FRA10AC1: variants seen among roughly 807,000 people sequenced by gnomAD.
FRA10AC1 encodes FRA10A associated CGG repeat 1, also known as protein FRA10AC1.
FRA10AC1 carries 43 observed loss-of-function variants against 56.5 expected under a neutral mutation model. The ratio of observed to expected loss-of-function variants is 0.76; its 90% confidence interval spans 0.60 to 0.98. The LOEUF is 0.98. Ranked by LOEUF, FRA10AC1 falls within the 50% of genes least tolerant of loss-of-function variation. FRA10AC1 has a pLI of 0.00. For synonymous variants in FRA10AC1, 112 were observed against 110.5 expected, an observed-to-expected ratio of 1.01 and a Z score of -0.09; for missense variants, 346 against 351.8, an observed-to-expected ratio of 0.98 and a Z score of 0.13.
intron 7 of FRA10AC1, among the ~76,000 whole-genome samples, chr10:93,688,517 T>C (rs1192650002): frequency 6.6e-6 from 1 of 152,186 alleles, no homozygotes; most frequent in Non-Finnish European, 1.5e-5. Flanking sequence ...CAAATAATGA[T>C]GTATCAACGT....
intron 10 of FRA10AC1, 45 bp downstream of exon 10, chr10:93,684,011 T>C (rs995467729): frequency 7.8e-7 from 1 of 1,283,256 alleles, no homozygotes. Flanking sequence ...AATGACTATA[T>C]CCTGGATTAC....
intron 7 of FRA10AC1, among the ~76,000 whole-genome samples, chr10:93,690,711 T>G (rs1036807070): frequency 6.6e-6 from 1 of 152,186 alleles, no homozygotes; most frequent in African/African-American, 2.4e-5. Flanking sequence ...AGACATAATT[T>G]TCACACTTGA....
In FRA10AC1 at chr10:93,670,839, T is replaced by G. The variant is rs1471009276; in HGVS notation, c.836A>C (p.Asp279Ala). The G allele has an allele frequency of 6.2e-7, 1 of 1,609,164 alleles. No homozygotes were observed. Among genetic ancestry groups the G allele is most frequent in the Non-Finnish European group, 8.5e-7 (1 of 1,176,064 alleles). ...KSEDSLLRNSDEEESASESEL... is the reference protein window; with the variant it reads ...KSEDSLLRNSAEEESASESEL... ...AGATTCTGAAGCACTTTCTTCCTCA[T>G]CAGAGTTTCCTGTTCATTTAAAAAA... is the stretch of plus-strand genomic sequence containing the variant. Residue 279 changes from aspartate to alanine, a missense_variant, in exon 13 of 14, where the codon GAT (aspartate) becomes GCT (alanine). Coordinates refer to ENST00000359204, the MANE Select transcript of FRA10AC1 (RefSeq NM_145246.5).
intron 12 of FRA10AC1, chr10:93,672,930 A>C (rs1288018886): frequency 6.1e-6 from 1 of 163,594 alleles, no homozygotes; most frequent in Non-Finnish European, 1.3e-5. Flanking sequence ...TTGGAAGAAC[A>C]GGCAACACAA....
At chr10:93,681,867 T>C (rs2058941377) in intron 10 of FRA10AC1, among the ~76,000 whole-genome samples, 1 of 152,112 alleles carries the variant, frequency 6.6e-6, no homozygotes, top group Non-Finnish European at 1.5e-5. Context: ...AAATTATAAT[T>C]GTATTTGTTT....
intron 12 of FRA10AC1, 93 bp from the exon 13 acceptor site, chr10:93,670,941 C>T: frequency 1.3e-6 from 1 of 753,158 alleles, no homozygotes; most frequent in East Asian, 2.7e-5. Context: ...TTATTTAACT[C>T]AGCTTCAACT....
At chr10:93,680,542 CAAG>C (rs1320175791) in intron 11 of FRA10AC1, among the ~76,000 whole-genome samples, 4 of 152,118 alleles carry the variant, frequency 2.6e-5, no homozygotes, top group African/African-American at 9.7e-5. Context: ...TTACCATGTG[CAAG>C]AAGAAGTAAA....
At position 93,669,557 on chromosome 10, in the gene FRA10AC1, T is replaced by A. The variant is rs1249988048; in HGVS notation, c.*269A>T. On this transcript the variant is annotated 3_prime_UTR_variant, in exon 14 of 14. Coordinates refer to ENST00000359204, the MANE Select transcript of FRA10AC1 (RefSeq NM_145246.5). Reference sequence around the variant, plus strand: ...CCTACAAAATGTAGGAACAATGGAATCTGTCCAGCTCTATCCTCTAGGAGC... The same window carrying A: ...CCTACAAAATGTAGGAACAATGGAAACTGTCCAGCTCTATCCTCTAGGAGC... 1 of 331,868 alleles carries A rather than the reference T, an allele frequency of 3.0e-6. No homozygotes were observed. The highest frequency in any genetic ancestry group is 2.1e-5 in the African/African-American group (1 of 46,760). The allele number at this position is 331,868 out of a possible 1,614,324, so 20.6% of individuals were successfully genotyped here.
At chr10:93,681,860 T>C (rs1342894917) in intron 10 of FRA10AC1, among the ~76,000 whole-genome samples, 1 of 152,080 alleles carries the variant, frequency 6.6e-6, no homozygotes, top group Admixed American at 6.6e-5. Context: ...TAAATACAAA[T>C]TATAATTGTA....
At chr10:93,672,091 T>TA in intron 12 of FRA10AC1, 1 of 449,764 alleles carries the variant, frequency 2.2e-6, no homozygotes, top group Admixed American at 2.5e-5. Context: ...ATTATTAGTC[T>TA]AAAAAAGAAA....
rs997846449 is a variant in FRA10AC1, at chr10:93,678,930, C to T, written c.788-2239G>A. 5.3e-5 allele frequency among the ~76,000 whole-genome samples: 8 copies of T among 151,354 alleles called. No individual in the cohort carries two copies. The East Asian group carries it at 1.2e-3, about 22-fold the overall frequency. On this transcript the variant is annotated intron_variant, in intron 11 of 13. Coordinates refer to ENST00000359204, the MANE Select transcript of FRA10AC1 (RefSeq NM_145246.5). ...TAAAGGAAGTTGTCAACAGTCCAAA[C>T]GCAGCTGAGATGTTAAGCGTTTATT...
Position 93,694,957 on chromosome 10 carries a change from G to A in FRA10AC1, c.220-20C>T. 2 of 1,283,774 alleles carry A rather than the reference G, an allele frequency of 1.6e-6. No homozygotes were observed. Among genetic ancestry groups the A allele is most frequent in the Non-Finnish European group, 1.1e-6 (1 of 880,472 alleles). The allele number at this position is 1,283,774 out of a possible 1,614,324, so 79.5% of individuals were successfully genotyped here. ...TTGATACTGAAATGCAAAAAATTAA[G>A]GATTTTATTCTCTTAGGAGCTGTTT... On this transcript the variant is annotated intron_variant, in intron 4 of 13. Coordinates refer to ENST00000359204, the MANE Select transcript of FRA10AC1 (RefSeq NM_145246.5).
intron 6 of FRA10AC1, 58 bp downstream of exon 6, chr10:93,692,588 A>C (rs1013314784): frequency 2.7e-6 from 3 of 1,122,760 alleles, no homozygotes; most frequent in Non-Finnish European, 4.0e-6. Context: ...AACCACTCAG[A>C]AAACAGGAGA....
chr10:93,693,408 C>A (rs1489266646), intron 5 of FRA10AC1, among the ~76,000 whole-genome samples: 1 of 147,778 alleles, frequency 6.8e-6, no homozygotes, highest in East Asian at 2.0e-4. Context: ...CAGCACAATT[C>A]GCAATTGCAA....
chr10:93,694,916 C>T lies in FRA10AC1; in HGVS notation c.241G>A (p.Val81Ile), dbSNP rs146931399. The T allele has an allele frequency of 1.5e-3, 2,270 of 1,565,266 alleles. 4 individuals are homozygous for T. The highest frequency in any genetic ancestry group is 1.9e-3 in the Non-Finnish European group (2,143 of 1,135,874). Residue 81 changes from valine (V) to isoleucine (I), a missense_variant, in exon 5 of 14, where the codon GTA becomes ATA. By Grantham distance (29) the Val-to-Ile change is conservative (BLOSUM62 3). Transcript: ENST00000359204. ...MDAYQRHTKF[V>I]NDYILYYGGK... ...CCATAGTATAAAATATAGTCATTTA[C>T]GAACTTTGTATGTCTTTGATACTGA...
chr10:93,693,547 T>TGC (rs2059170919), intron 5 of FRA10AC1, among the ~76,000 whole-genome samples: 1 of 125,698 alleles, frequency 8.0e-6, no homozygotes, highest in African/African-American at 3.1e-5. Context: ...TATATATATA[T>TGC]ACACACATAC....
chr10:93,695,217 TTATTC>T, intron 4 of FRA10AC1, among the ~76,000 whole-genome samples: 1 of 152,240 alleles, frequency 6.6e-6, no homozygotes, highest in East Asian at 1.9e-4. Flanking sequence ...ATAGAGCTTC[TTATTC>T]TATTGCTGAA....
chr10:93,681,360 C>T, intron 11 of FRA10AC1, 120 bp downstream of exon 11: 1 of 654,190 alleles, frequency 1.5e-6, no homozygotes, highest in Non-Finnish European at 2.5e-6. Context: ...CAGCCAGTTT[C>T]CTCTCAACTA....
At position 93,681,458 on chromosome 10, in the gene FRA10AC1, CCTTAT is replaced by C. The variant is rs760440101; in HGVS notation, c.787+17_787+21del. 1.8e-5 allele frequency: 26 copies of C among 1,424,480 alleles called. No individual in the cohort carries two copies. In the Middle Eastern group the frequency reaches 1.1e-3, roughly 58 times the overall value. 88.2% of individuals were successfully genotyped at this position (1,424,480 alleles called of 1,614,324 possible). On this transcript the variant is annotated intron_variant, in intron 11 of 13. Transcript: ENST00000359204. ...TCATGCTCACAAATGTGAGTAGATG[CCTTAT>C]CTTAATTTCCTTTTACCTTTATCTT...
Sources: allele counts gnomAD v4.1 joint callset (sites outside exome capture counted in the v4.1 genomes callset), GRCh38; gene constraint gnomAD v4.1.1; transcripts MANE v1.5; gene names NCBI Gene and HGNC (gene_info 2026-07-23, HGNC 2026-07-21).